The following CNTN5 variants were observed in gnomAD, a reference collection of about 807,000 sequenced individuals.
CNTN5 encodes the protein contactin-5.
CNTN5 carries 77 observed loss-of-function variants against 129.1 expected under a neutral mutation model. The observed-to-expected ratio is 0.60, with a 90% confidence interval of 0.50 to 0.72. The LOEUF (loss-of-function observed/expected upper bound fraction) is 0.72, where lower values mean the gene tolerates loss of function less well. Among genes scored for constraint, CNTN5 ranks in the 30% least tolerant of loss-of-function variants. CNTN5 has a pLI of 0.00. For missense variants in CNTN5, 1,478 were observed against 1,328.8 expected (o/e 1.11, Z -1.75); for synonymous variants, 509 against 465.6 (o/e 1.09, Z -1.20).
At position 99,984,389 on chromosome 11, in the gene CNTN5, AAAAAG is replaced by A. The variant is rs1374389842; in HGVS notation, c.878-17636_878-17632del. 6.6e-5 allele frequency among the ~76,000 whole-genome samples: 10 copies of A among 152,254 alleles called. No homozygotes were observed. The South Asian group carries it at 1.0e-3, about 16-fold the overall frequency. On this transcript the variant is annotated intron_variant, in intron 8 of 24. Coordinates refer to ENST00000524871, the MANE Select transcript of CNTN5 (RefSeq NM_014361.4). ...GGAAAGGAAGAAAAGAAAGAAAAGA[AAAAAG>A]AAAAGAAAGAGAAACCACGATGGGG...
At chr11:99,576,111 A>G (rs1281120664) in intron 3 of CNTN5, among the ~76,000 whole-genome samples, 3 of 152,098 alleles carry the variant, frequency 2.0e-5, no homozygotes, top group Non-Finnish European at 4.4e-5. Context: ...AATAGAAACA[A>G]ATAACCGCTT....
intron 2 of CNTN5, among the ~76,000 whole-genome samples, chr11:99,358,604 T>G (rs1938880260): frequency 6.6e-6 from 1 of 152,082 alleles, no homozygotes; most frequent in Non-Finnish European, 1.5e-5. Context: ...CTTAATTTAC[T>G]ATGAGTTTCA....
At chr11:99,092,977 T>C (rs73552145) in intron 1 of CNTN5, among the ~76,000 whole-genome samples, 1 of 152,194 alleles carries the variant, frequency 6.6e-6, no homozygotes, top group African/African-American at 2.4e-5. Flanking sequence ...CTTTAAGAAA[T>C]GGGTTCTCCA....
chr11:99,499,927 C>G (rs1286362985), intron 2 of CNTN5, among the ~76,000 whole-genome samples: 1 of 151,994 alleles, frequency 6.6e-6, no homozygotes, highest in African/African-American at 2.4e-5. Flanking sequence ...AAAATATAGG[C>G]TTTGGCAAGA....
chr11:99,910,993 C>T (rs989536916), intron 6 of CNTN5, among the ~76,000 whole-genome samples: 6 of 151,956 alleles, frequency 3.9e-5, no homozygotes, highest in Non-Finnish European at 7.4e-5. Context: ...AAAACTTGTC[C>T]GTTGTTTTTA....
At chr11:99,134,160 C>T (rs957502788) in intron 1 of CNTN5, among the ~76,000 whole-genome samples, 1 of 152,044 alleles carries the variant, frequency 6.6e-6, no homozygotes, top group African/African-American at 2.4e-5. Context: ...GGACAGAAAA[C>T]CACACACCTC....
At chr11:99,077,257 A>G (rs1424332174) in intron 1 of CNTN5, among the ~76,000 whole-genome samples, 2 of 152,252 alleles carry the variant, frequency 1.3e-5, no homozygotes, top group Non-Finnish European at 2.9e-5. Flanking sequence ...TAAGTGATAT[A>G]TTGTTCCAGG....
At chr11:100,155,058 C>A (rs12273981) in intron 13 of CNTN5, among the ~76,000 whole-genome samples, 5,774 of 152,110 alleles carry the variant, frequency 0.038, 355 homozygotes, top group African/African-American at 0.13. Context: ...GCTTTTGTTG[C>A]CATTGCTTTT....
chr11:99,209,621 G>A (rs1591361985), intron 1 of CNTN5, among the ~76,000 whole-genome samples: 1 of 152,058 alleles, frequency 6.6e-6, no homozygotes, highest in Non-Finnish European at 1.5e-5. Context: ...GATTTGAAGA[G>A]AACAAACATC....
At chr11:99,387,979 G>A (rs1941015798) in intron 2 of CNTN5, among the ~76,000 whole-genome samples, 1 of 151,980 alleles carries the variant, frequency 6.6e-6, no homozygotes, top group African/African-American at 2.4e-5. Flanking sequence ...TAAGCCTCCA[G>A]TTGATTCCAG....
intron 1 of CNTN5, among the ~76,000 whole-genome samples, chr11:99,169,636 G>T (rs1861053669): frequency 6.6e-6 from 1 of 152,106 alleles, no homozygotes; most frequent in Non-Finnish European, 1.5e-5. Flanking sequence ...CTCCTTAATA[G>T]AAGTGATGGC....
At chr11:99,220,934 G>A (rs2135701864) in intron 1 of CNTN5, among the ~76,000 whole-genome samples, 1 of 149,622 alleles carries the variant, frequency 6.7e-6, no homozygotes, top group African/African-American at 2.4e-5. Context: ...TGCAGAAGCA[G>A]AAGAAAACCA....
At chr11:99,588,208 T>C (rs1192265550) in intron 3 of CNTN5, among the ~76,000 whole-genome samples, 1 of 151,994 alleles carries the variant, frequency 6.6e-6, no homozygotes, top group Non-Finnish European at 1.5e-5. Flanking sequence ...GCTGGGCCTA[T>C]TGGCGGACGC....
chr11:99,177,553 A>C (rs914839788), intron 1 of CNTN5, among the ~76,000 whole-genome samples: 1 of 152,188 alleles, frequency 6.6e-6, no homozygotes. Context: ...TTTTGTTCTC[A>C]CACAAAATCT....
Position 99,277,592 on chromosome 11 carries a change from G to A in CNTN5, c.-209-47754G>A, listed in dbSNP as rs576347643. On this transcript the variant is annotated intron_variant, in intron 1 of 24. Transcript: ENST00000524871. ...TTTGTAGTTCATGGCAAGAAGAGAC[G>A]TGTTTCTTTTTTTATCCTCTCATTT... Among the ~76,000 whole-genome samples, 8 of 151,704 alleles carry A rather than the reference G, an allele frequency of 5.3e-5. No individual in the cohort carries two copies. In the East Asian group the frequency reaches 5.8e-4, roughly 11 times the overall value.
chr11:100,241,556 G>T (rs1413822018), intron 16 of CNTN5, among the ~76,000 whole-genome samples: 2 of 131,412 alleles, frequency 1.5e-5, no homozygotes, highest in Non-Finnish European at 3.4e-5. Context: ...AGTCCTTTTG[G>T]CTCACAACTC....
chr11:99,795,779 G>A (rs958280923), intron 3 of CNTN5, among the ~76,000 whole-genome samples: 6 of 151,992 alleles, frequency 3.9e-5, no homozygotes, highest in African/African-American at 1.5e-4. Flanking sequence ...CAGGACTCCT[G>A]GGCTGCATGT....
intron 9 of CNTN5, among the ~76,000 whole-genome samples, chr11:100,026,997 C>T (rs1941453919): frequency 6.6e-6 from 1 of 151,738 alleles, no homozygotes; most frequent in African/African-American, 2.4e-5. Flanking sequence ...AAGTTTTTAT[C>T]TCTAAAATTC....
At chr11:99,388,988 T>C (rs1941083815) in intron 2 of CNTN5, among the ~76,000 whole-genome samples, 1 of 101,984 alleles carries the variant, frequency 9.8e-6, no homozygotes, top group African/African-American at 5.4e-5. Context: ...AGTCCTTATT[T>C]TATTTTATTT....
Sources: allele counts gnomAD v4.1 joint callset (sites outside exome capture counted in the v4.1 genomes callset), GRCh38; gene constraint gnomAD v4.1.1; transcripts MANE v1.5; gene names NCBI Gene and HGNC (gene_info 2026-07-23, HGNC 2026-07-21).